TBXAS1: variants seen among roughly 807,000 people sequenced by gnomAD.
TBXAS1 encodes the protein thromboxane A synthase 1, also known as thromboxane-A synthase.
In TBXAS1, 48 loss-of-function variants were observed where a neutral mutation model predicts 60.7. The observed-to-expected ratio is 0.79, with a 90% confidence interval of 0.63 to 1.01. The LOEUF (loss-of-function observed/expected upper bound fraction) is 1.01. Ranked by LOEUF, TBXAS1 falls within the 50% of genes least tolerant of loss-of-function variation. TBXAS1 has a pLI of 0.00. For missense variants in TBXAS1, 685 were observed against 686.3 expected, an observed-to-expected ratio of 1.00 and a Z score of 0.02; for synonymous variants, 287 against 269.7, an observed-to-expected ratio of 1.06 and a Z score of -0.63.
At chr7:139,958,914 G>A (rs775217182) in intron 8 of TBXAS1, among the ~76,000 whole-genome samples, 9 of 152,162 alleles carry the variant, frequency 5.9e-5, no homozygotes, top group South Asian at 2.1e-4. Context: ...ATGTTTCTCC[G>A]CAGAGTGAGG....
intron 5 of TBXAS1, among the ~76,000 whole-genome samples, chr7:139,949,905 C>T: frequency 6.6e-6 from 1 of 152,140 alleles, no homozygotes; most frequent in African/African-American, 2.4e-5. Flanking sequence ...AACCAGCTGT[C>T]CAGTGGAGGG....
rs371088387 is a variant in TBXAS1 at position 139,934,335 on chromosome 7, C to A, written c.334-1856C>A. Among the ~76,000 whole-genome samples, 19 of 152,134 alleles carry A rather than the reference C, an allele frequency of 1.2e-4. No homozygotes were observed. The East Asian group carries it at 1.5e-3, about 12-fold the overall frequency. ...TCTCAAGTAGCTGGGATTACAGGTG[C>A]CTGCCACCACGCCTGGCTAATTTTT... On this transcript the variant is annotated intron_variant, in intron 4 of 12. Coordinates refer to ENST00000448866, the MANE Select transcript of TBXAS1 (RefSeq NM_001061.7).
At chr7:139,871,344 G>A (rs574783875) in intron 1 of TBXAS1, among the ~76,000 whole-genome samples, 9 of 152,240 alleles carry the variant, frequency 5.9e-5, no homozygotes, top group African/African-American at 1.9e-4. Flanking sequence ...TGATCTCTGC[G>A]TGATGCTAAA....
chr7:139,861,977 A>G (rs1235801614), intron 1 of TBXAS1, among the ~76,000 whole-genome samples: 1 of 152,226 alleles, frequency 6.6e-6, no homozygotes, highest in Non-Finnish European at 1.5e-5. Context: ...AGGGACAGTC[A>G]TGTCTTAACC....
chr7:139,923,741 AC>A (rs890713862), intron 4 of TBXAS1, among the ~76,000 whole-genome samples: 6 of 149,522 alleles, frequency 4.0e-5, no homozygotes, highest in Admixed American at 2.0e-4. Context: ...GGTCTTATTC[AC>A]TTTTTCTATT....
chr7:139,877,413 T>TTTG (rs561204330), intron 3 of TBXAS1, among the ~76,000 whole-genome samples: 8 of 152,176 alleles, frequency 5.3e-5, no homozygotes, highest in Non-Finnish European at 1.0e-4. Context: ...GTTTTTGTTT[T>TTTG]TTGTTGTTGT....
intron 6 of TBXAS1, 127 bp downstream of exon 6, chr7:139,953,583 T>C (rs1809589323): frequency 1.2e-6 from 1 of 864,236 alleles, no homozygotes; most frequent in Non-Finnish European, 1.9e-6. Context: ...CATAAAAGCA[T>C]GGATGGACTG....
intron 11 of TBXAS1, 102 bp downstream of exon 11, chr7:140,015,962 T>C: frequency 2.0e-6 from 3 of 1,518,526 alleles, no homozygotes. Flanking sequence ...TTAGCAAAAT[T>C]GTCCCCAAAT....
chr7:139,918,655 A>G (rs1806192562), intron 4 of TBXAS1, among the ~76,000 whole-genome samples: 1 of 152,188 alleles, frequency 6.6e-6, no homozygotes. Flanking sequence ...CCTCCTCCCC[A>G]GTGGATAAAA....
At chr7:139,822,515 G>C (rs1412424071) in intron 4 of TBXAS1, among the ~76,000 whole-genome samples, 1 of 151,962 alleles carries the variant, frequency 6.6e-6, no homozygotes, top group Non-Finnish European at 1.5e-5. Flanking sequence ...TACAGATCTG[G>C]CCATCTCCCG....
chr7:140,008,628 T>A (rs1814282434), intron 10 of TBXAS1, among the ~76,000 whole-genome samples: 2 of 152,070 alleles, frequency 1.3e-5, no homozygotes, highest in African/African-American at 4.8e-5. Context: ...TTTGTATTTT[T>A]AGTAGAGACG....
chr7:139,906,823 A>G (rs74531623), intron 3 of TBXAS1, among the ~76,000 whole-genome samples: 9 of 152,004 alleles, frequency 5.9e-5, no homozygotes, highest in African/African-American at 2.2e-4. Flanking sequence ...ATGTGCTTTC[A>G]TTTGGTTTAC....
chr7:139,952,551 C>G (rs189999730), intron 5 of TBXAS1: 14 of 1,536,650 alleles, frequency 9.1e-6, no homozygotes, highest in African/African-American at 1.4e-5. Flanking sequence ...ATATTTTCAG[C>G]TTGGCCTTTT....
In TBXAS1 at chr7:140,013,701, T is replaced by C. The variant is rs962095372; in HGVS notation, c.1227-2022T>C. ...TGGCTCCAGCAGTCAGATTGGGGTGTGATCTCACAGCACCAGGAGCCCTGA... is the reference window on the plus strand; with the variant it reads ...TGGCTCCAGCAGTCAGATTGGGGTGCGATCTCACAGCACCAGGAGCCCTGA... On this transcript the variant is annotated intron_variant, in intron 10 of 12. Transcript: ENST00000448866. This position sits in a 1 kb window ranked among gnomAD's most constrained non-coding sequence, Gnocchi z 4.2. Among the ~76,000 whole-genome samples the C allele has an allele frequency of 4.6e-5, 7 of 152,188 alleles. No homozygotes were observed. The highest frequency in any genetic ancestry group is 1.7e-4 in the African/African-American group (7 of 41,438).
chr7:139,872,144 C>T, intron 1 of TBXAS1, 91 bp from the exon 2 acceptor site: 6 of 1,330,890 alleles, frequency 4.5e-6, no homozygotes, highest in Non-Finnish European at 6.5e-6. Flanking sequence ...GCCTTTACTT[C>T]CAGAGAGCTC....
At chr7:139,962,501 C>T (rs1810453543) in intron 9 of TBXAS1, 16 of 412,762 alleles carry the variant, frequency 3.9e-5, no homozygotes, top group South Asian at 3.4e-4. Flanking sequence ...CTCGAGGAAG[C>T]TGTGGAAGCC....
At chr7:139,954,142 A>G (rs1809653308) in intron 6 of TBXAS1, among the ~76,000 whole-genome samples, 1 of 152,194 alleles carries the variant, frequency 6.6e-6, no homozygotes, top group African/African-American at 2.4e-5. Context: ...TAGTCATTTT[A>G]TGCCAAATCA....
rs546794213 is a variant in TBXAS1 at position 140,013,495 on chromosome 7, G to A, written c.1227-2228G>A. On this transcript the variant is annotated intron_variant, in intron 10 of 12. Transcript: ENST00000448866. This position sits in a 1 kb window ranked among gnomAD's most constrained non-coding sequence, Gnocchi z 4.2. ...TAAGAGAGCCATGCCGGGATTTCAA[G>A]TTGCAAGGAAGAGAGATTCAATGGT... 6.6e-6 allele frequency among the ~76,000 whole-genome samples: 1 copy of A among 152,340 alleles called. No individual in the cohort carries two copies. The highest frequency in any genetic ancestry group is 1.9e-4 in the East Asian group (1 of 5,180).
At chr7:139,844,692 A>C (rs1231700508) in intron 1 of TBXAS1, among the ~76,000 whole-genome samples, 1 of 152,222 alleles carries the variant, frequency 6.6e-6, no homozygotes, top group Non-Finnish European at 1.5e-5. Flanking sequence ...AAAGCAGTGA[A>C]GAGGGAGTGT....
Sources: allele counts gnomAD v4.1 joint callset (sites outside exome capture counted in the v4.1 genomes callset), GRCh38; gene constraint gnomAD v4.1.1; non-coding constraint Gnocchi (gnomAD v3.1); transcripts MANE v1.5; gene names NCBI Gene and HGNC (gene_info 2026-07-23, HGNC 2026-07-21).